PZP: variants seen among roughly 807,000 people sequenced by gnomAD.
PZP encodes the protein PZP alpha-2-macroglobulin like.
In PZP, 150 loss-of-function variants were observed where a neutral mutation model predicts 179.8. The observed-to-expected ratio is 0.83, with a 90% CI of 0.73 to 0.96. The LOEUF (loss-of-function observed/expected upper bound fraction) is 0.96, where lower values mean the gene tolerates loss of function less well. Among genes scored for constraint, PZP ranks in the 40% least tolerant of loss-of-function variants. PZP has a pLI of 0.00. For missense variants in PZP, 1,689 were observed against 1,764.0 expected (o/e 0.96, Z 0.76); for synonymous variants, 624 against 652.3 (o/e 0.96, Z 0.66).
chr12:9,163,037 G>A (rs745491392), intron 21 of PZP, among the ~76,000 whole-genome samples: 2 of 152,070 alleles, frequency 1.3e-5, no homozygotes, highest in East Asian at 1.9e-4. Flanking sequence ...CATCCTACTT[G>A]TTATTGAATT....
chr12:9,153,211 GGTT>G lies in PZP; in HGVS notation c.3904_3906del (p.Asn1302del), dbSNP rs1331402576. The G allele has an allele frequency of 2.5e-6, 4 of 1,614,182 alleles. No individual in the cohort carries two copies. Among genetic ancestry groups the G allele is most frequent in the Non-Finnish European group, 3.4e-6 (4 of 1,180,010 alleles). On this transcript the variant is annotated inframe_deletion, in exon 30 of 36. Transcript: ENST00000261336. The stretch of plus-strand genomic sequence containing the variant: ...AATGAGATCTGCTGCAGTAATAGGA[GGTT>G]GTTGTTGTCTACTTGGAAATTTGTA...
At position 9,181,015 on chromosome 12, in the gene PZP, T is replaced by C; in HGVS notation, c.1807A>G (p.Met603Val). 1.2e-6 allele frequency: 2 copies of C among 1,613,970 alleles called. No homozygotes were observed. Among genetic ancestry groups the C allele is most frequent in the Admixed American group, 1.7e-5 (1 of 59,996 alleles). ...ACAGAGAGCTCAGCCTCAGGCTTCA[T>C]GAGCAGCACACTTTGGTCCACAGCA... Reference protein sequence around the residue: ...LRAVDQSVLLMKPEAELSVSS... With the variant: ...LRAVDQSVLLVKPEAELSVSS... The change falls in exon 15 of 36, where the codon ATG (methionine) becomes GTG (valine). Residue 603 changes from methionine to valine, a missense_variant. By Grantham distance (21) the Met-to-Val change is conservative. Coordinates refer to ENST00000261336, the MANE Select transcript of PZP (RefSeq NM_002864.3).
chr12:9,169,245 A>C (rs190986723), intron 16 of PZP, among the ~76,000 whole-genome samples, 185 bp downstream of exon 16: 9 of 152,154 alleles, frequency 5.9e-5, no homozygotes, highest in African/African-American at 1.9e-4. Context: ...TCTAGCCCTG[A>C]CTCACATACT....
chr12:9,170,363 C>T lies in PZP; in HGVS notation c.1840-772G>A, dbSNP rs1941907964. Among the ~76,000 whole-genome samples, 1 of 152,160 alleles carries T rather than the reference C, an allele frequency of 6.6e-6. No individual in the cohort carries two copies. Among genetic ancestry groups the T allele is most frequent in the Admixed American group, 6.5e-5 (1 of 15,276 alleles). On this transcript the variant is annotated intron_variant, in intron 15 of 35. Coordinates refer to ENST00000261336, the MANE Select transcript of PZP (RefSeq NM_002864.3). The surrounding 1 kb of genome is among the most constrained non-coding windows in gnomAD (Gnocchi z 4.6). ...AAAGCTATGTGGAGTCTTGGCAGAG[C>T]AGCTGCTCAGGCACACAGAAACCCT...
At chr12:9,164,963 A>G (rs746747115) in intron 19 of PZP, among the ~76,000 whole-genome samples, 176 bp downstream of exon 19, 12 of 152,182 alleles carry the variant, frequency 7.9e-5, no homozygotes, top group Non-Finnish European at 1.6e-4. Context: ...CCCATAGCAC[A>G]TATATCATTG....
chr12:9,175,164 A>G (rs1783238857), intron 15 of PZP, among the ~76,000 whole-genome samples: 1 of 152,208 alleles, frequency 6.6e-6, no homozygotes, highest in Non-Finnish European at 1.5e-5. Context: ...CCGCAAACCT[A>G]CAACCATCTG....
chr12:9,183,036 C>T (rs1390796209), intron 13 of PZP, among the ~76,000 whole-genome samples: 1 of 152,052 alleles, frequency 6.6e-6, no homozygotes, highest in Non-Finnish European at 1.5e-5. Context: ...CAGAGTCTCT[C>T]GACATTGTTG....
In PZP at chr12:9,153,344, C is replaced by T. The variant is rs1052959241; in HGVS notation, c.3775-1G>A. On this transcript the variant is annotated splice_acceptor_variant, in intron 29 of 35. Coordinates refer to ENST00000261336, the MANE Select transcript of PZP (RefSeq NM_002864.3). LOFTEE classifies it high-confidence loss of function. The stretch of plus-strand genomic sequence containing the variant: ...GGGCATGGAGAGCCACCACTGTGTC[C>T]TGGAAGAGACGAGTGGACAACCGCC... 6.2e-7 allele frequency: 1 copy of T among 1,611,390 alleles called. No homozygotes were observed. The highest frequency in any genetic ancestry group is 1.3e-5 in the African/African-American group (1 of 74,826).
chr12:9,162,399 C>A (rs1033017407), intron 22 of PZP, 198 bp downstream of exon 22: 2 of 561,128 alleles, frequency 3.6e-6, no homozygotes, highest in African/African-American at 3.8e-5. Flanking sequence ...CCTGTCTGTA[C>A]CACCTGAGTC....
rs771930880 is a variant in PZP at position 9,192,727 on chromosome 12, G to A, written c.1267C>T (p.His423Tyr). Residue 423 changes from histidine (H) to tyrosine (Y), a missense_variant, in exon 12 of 36, where the codon CAT becomes TAT. This residue lies in a region of PZP where 742 missense variants were observed against 730.5 expected (regional missense o/e 1.02). Transcript: ENST00000261336. ...NKLFVRVFTV[H>Y]PNLCFHYSWV... is the part of the protein sequence containing the mutation. ...GAATAGTGAAAACACAAGTTGGGAT[G>A]CACAGTGAAAACCTGAGTAAACAGA... 1.2e-6 allele frequency: 2 copies of A among 1,609,226 alleles called. No homozygotes were observed. Among genetic ancestry groups the A allele is most frequent in the Non-Finnish European group, 1.7e-6 (2 of 1,175,842 alleles).
At chr12:9,164,798 C>T (rs1010747920) in intron 19 of PZP, among the ~76,000 whole-genome samples, 2 of 152,076 alleles carry the variant, frequency 1.3e-5, no homozygotes, top group Non-Finnish European at 2.9e-5. Flanking sequence ...TTCAAGATGA[C>T]GGGTTGGAGA....
chr12:9,181,108 G>A lies in PZP; in HGVS notation c.1714C>T (p.Gln572Ter). The A allele has an allele frequency of 6.2e-7, 1 of 1,614,152 alleles. No individual in the cohort carries two copies. ...TGGGCATGTGAGGCTGGGGGACTTT[G>A]TGCTGGGCTGAAGCTCAAATCCACC... ...NKVDLSFSPA[Q>*]SPPASHAHLQ... The change falls in exon 15 of 36, where the codon CAA (glutamine) becomes TAA (stop). Residue 572 changes from glutamine to a stop codon, truncating the protein, a stop_gained. Transcript: ENST00000261336. LOFTEE classifies it high-confidence loss of function.
Position 9,168,837 on chromosome 12 carries a change from G to T in PZP, c.2107+32C>A, listed in dbSNP as rs756999044. The T allele has an allele frequency of 3.3e-6, 5 of 1,505,432 alleles. No homozygotes were observed. The East Asian group carries it at 9.0e-5, about 27-fold the overall frequency. The allele number at this position is 1,505,432 out of a possible 1,614,324, so 93.3% of individuals were successfully genotyped here. ...TGGGCATAGTAATATTGTTGGACAT[G>T]AAATAAAATTAAAAGCAAATTGCTG... On this transcript the variant is annotated intron_variant, in intron 17 of 35. Coordinates refer to ENST00000261336, the MANE Select transcript of PZP (RefSeq NM_002864.3).
At chr12:9,164,882 G>T (rs1485621278) in intron 19 of PZP, among the ~76,000 whole-genome samples, 2 of 152,202 alleles carry the variant, frequency 1.3e-5, no homozygotes, top group African/African-American at 2.4e-5. Context: ...AACCTAACTT[G>T]CAGCAAAGAA....
chr12:9,157,853 A>G lies in PZP; in HGVS notation c.3295-12T>C. 6.2e-7 allele frequency: 1 copy of G among 1,607,736 alleles called. No homozygotes were observed. The highest frequency in any genetic ancestry group is 2.2e-5 in the East Asian group (1 of 44,858). The stretch of plus-strand genomic sequence containing the variant: ...TCTTCTACACCTCCCTGTGAATACA[A>G]CATTGATTTGATTAATTCCAGTGCC... On this transcript the variant is annotated splice_polypyrimidine_tract_variant and intron_variant, in intron 26 of 35. Transcript: ENST00000261336.
At chr12:9,165,723 A>G (rs1941535806) in intron 18 of PZP, among the ~76,000 whole-genome samples, 3 of 152,242 alleles carry the variant, frequency 2.0e-5, no homozygotes, top group Admixed American at 1.3e-4. Flanking sequence ...GGATTAATGT[A>G]GCCTGATTTG....
At position 9,194,226 on chromosome 12, in the gene PZP, C is replaced by CA. The variant is rs755103822; in HGVS notation, c.1104_1105insT (p.Asp369Ter). The CA allele has an allele frequency of 1.5e-5, 25 of 1,613,786 alleles. No individual in the cohort carries two copies. The East Asian group carries it at 5.1e-4, about 33-fold the overall frequency. ...TTGGGGATGGGCACACCTTTTCCAT[C>CA]CACCAGAAGCACCTAAAGAAGAAAA... is the stretch of plus-strand genomic sequence containing the variant. On this transcript the variant is annotated frameshift_variant, in exon 11 of 36. Transcript: ENST00000261336. LOFTEE classifies it high-confidence loss of function.
At chr12:9,193,775 T>A (rs1943590082) in intron 11 of PZP, among the ~76,000 whole-genome samples, 1 of 152,124 alleles carries the variant, frequency 6.6e-6, no homozygotes, top group Non-Finnish European at 1.5e-5. Context: ...AAAAATAACA[T>A]AAAACAAAGT....
chr12:9,191,352 T>G (rs1049421012), intron 13 of PZP, among the ~76,000 whole-genome samples: 1 of 152,100 alleles, frequency 6.6e-6, no homozygotes, highest in African/African-American at 2.4e-5. Flanking sequence ...TACACTAGTA[T>G]TGGGAAAAAA....
Sources: gnomAD v4.1 joint callset for allele counts (sites outside exome capture counted in the v4.1 genomes callset) on GRCh38, gnomAD v4.1.1 for gene constraint, gnomAD v4.1.1 regional missense constraint, Gnocchi (gnomAD v3.1) non-coding constraint, MANE v1.5 for transcripts, NCBI Gene and HGNC (gene_info 2026-07-23, HGNC 2026-07-21) for gene names.